RIIAD1: variants seen among roughly 807,000 people sequenced by gnomAD.
RIIAD1 encodes regulatory subunit of type II PKA R-subunit domain containing 1.
In RIIAD1, 15 loss-of-function variants were observed where a neutral mutation model predicts 13.3. The observed-to-expected ratio is 1.13, with a 90% CI of 0.76 to 1.74. The LOEUF is 1.74. Ranked by LOEUF, RIIAD1 falls within the 40% of genes most tolerant of loss-of-function variation. The pLI, the probability that RIIAD1 is intolerant of heterozygous loss-of-function variation, is 0.00. For missense variants in RIIAD1, 121 were observed against 112.2 expected, an observed-to-expected ratio of 1.08 and a Z score of -0.35; for synonymous variants, 50 against 43.3, an observed-to-expected ratio of 1.16 and a Z score of -0.61.
exon 3 of RIIAD1, chr1:151,713,522 A>T (rs867846683): frequency 2.0e-5 from 3 of 152,124 alleles, no homozygotes; most frequent in African/African-American, 7.2e-5. Context: ...GGAGATGAAA[A>T]CTGTTGATTT....
At chr1:151,721,139 A>T (rs1164493125), upstream of RIIAD1, among the ~76,000 whole-genome samples, 2 of 152,096 alleles carry the variant, frequency 1.3e-5, no homozygotes, top group African/African-American at 4.8e-5. Context: ...GGACAGAGGG[A>T]CGGGTTGGCT....
intron 4 of RIIAD1, among the ~76,000 whole-genome samples, chr1:151,729,106 A>C (rs981788204): frequency 6.6e-6 from 1 of 152,130 alleles, no homozygotes; most frequent in Non-Finnish European, 1.5e-5. Flanking sequence ...GAAGCTTCTT[A>C]ATGTAGTGGA....
chr1:151,727,949 G>A (rs1004940720), intron 3 of RIIAD1, among the ~76,000 whole-genome samples: 1 of 152,186 alleles, frequency 6.6e-6, no homozygotes, highest in African/African-American at 2.4e-5. Context: ...CACCTGGGGA[G>A]CTTTTAGAAC....
At chr1:151,721,407 CG>C, upstream of RIIAD1, 1 of 440,888 alleles carries the variant, frequency 2.3e-6, no homozygotes, top group East Asian at 3.6e-5. Flanking sequence ...GCCCCCGCCC[CG>C]GAGCTCACCC....
intron 4 of RIIAD1, chr1:151,715,725 CT>C: frequency 6.3e-7 from 1 of 1,576,014 alleles, no homozygotes; most frequent in East Asian, 2.3e-5. Context: ...TAGCTGAGTT[CT>C]TTTTCAGCTC....
chr1:151,721,692 G>A (rs1673739071), intron 1 of RIIAD1, 72 bp downstream of exon 1: 2 of 882,784 alleles, frequency 2.3e-6, no homozygotes, highest in Non-Finnish European at 1.5e-6. Flanking sequence ...CCCAGACTGG[G>A]AAGAGAGCCG....
In RIIAD1 at chr1:151,722,147, T is replaced by A. The variant is rs771883735; in HGVS notation, c.146T>A (p.Ile49Lys). The change falls in exon 2 of 5, where the codon ATA becomes AAA. Residue 49 changes from isoleucine to lysine, a missense_variant. By Grantham distance (102) the Ile-to-Lys change is moderately radical. Transcript: ENST00000479191. Reference protein sequence around the residue: ...LRTHKEVEWLISGFFREIFLK... With the variant: ...LRTHKEVEWLKSGFFREIFLK... Reference sequence around the variant, plus strand: ...ACCCACAAAGAAGTAGAGTGGCTCATAAGTGGTTTCTTCAGGTAGGTGGTT... The same window carrying A: ...ACCCACAAAGAAGTAGAGTGGCTCAAAAGTGGTTTCTTCAGGTAGGTGGTT... The A allele has an allele frequency of 1.3e-6, 2 of 1,550,702 alleles. No homozygotes were observed. The highest frequency in any genetic ancestry group is 2.4e-5 in the South Asian group (2 of 84,050).
intron 3 of RIIAD1, 105 bp from the exon 4 acceptor site, chr1:151,728,661 G>A (rs1647232924): frequency 7.0e-6 from 5 of 717,440 alleles, no homozygotes; most frequent in Admixed American, 2.0e-5. Flanking sequence ...GCAGTCCTGC[G>A]TACCAAGCCA....
intron 4 of RIIAD1, chr1:151,714,615 G>A (rs1673309257): frequency 8.3e-6 from 13 of 1,558,278 alleles, no homozygotes; most frequent in African/African-American, 1.4e-5. Flanking sequence ...TCTTCTGTTC[G>A]TGCAGGGCGC....
intron 1 of RIIAD1, chr1:151,721,858 G>C (rs1447617712): frequency 1.7e-6 from 1 of 586,232 alleles, no homozygotes; most frequent in African/African-American, 1.9e-5. Flanking sequence ...CAGAGAAATG[G>C]GCCGAAATTA....
rs2101520073 is a variant in RIIAD1, at chr1:151,729,493, T to C, written c.*63T>C. 1 of 152,452 alleles carries C rather than the reference T, an allele frequency of 6.6e-6. No individual in the cohort carries two copies. Among genetic ancestry groups the C allele is most frequent in the East Asian group, 1.9e-4 (1 of 5,186 alleles). 9.4% of individuals were successfully genotyped at this position (152,452 alleles called of 1,614,324 possible). A position where few individuals can be genotyped will look rare whatever the true frequency, so the allele number is the denominator to read the frequency against. ...GAACCATTTCTGTTTTGCAGGGTCA[T>C]CTGGAGGCATGAGAGCCCTACTGCC... On this transcript the variant is annotated 3_prime_UTR_variant, in exon 5 of 5. Transcript: ENST00000479191.
upstream of RIIAD1, chr1:151,721,403 G>A (rs1005498758): frequency 2.3e-6 from 1 of 428,622 alleles, no homozygotes; most frequent in Non-Finnish European, 3.9e-6. Context: ...CCAAGCCCCC[G>A]CCCCGGAGCT....
At position 151,722,122 on chromosome 1, in the gene RIIAD1, A is replaced by G; in HGVS notation, c.121A>G (p.Thr41Ala). ...TRIANEKYLR[T>A]HKEVEWLISG... The stretch of plus-strand genomic sequence containing the variant: ...GATTGCTAACGAAAAGTACCTAAGG[A>G]CCCACAAAGAAGTAGAGTGGCTCAT... Residue 41 changes from threonine to alanine, a missense_variant, in exon 2 of 5, where the codon ACC (threonine) becomes GCC (alanine). Coordinates refer to ENST00000479191, the MANE Select transcript of RIIAD1 (RefSeq NM_001144956.3). The G allele has an allele frequency of 6.4e-7, 1 of 1,551,352 alleles. No individual in the cohort carries two copies. The highest frequency in any genetic ancestry group is 8.7e-7 in the Non-Finnish European group (1 of 1,146,744).
At chr1:151,725,705 G>T (rs1409855288) in intron 2 of RIIAD1, among the ~76,000 whole-genome samples, 1 of 152,170 alleles carries the variant, frequency 6.6e-6, no homozygotes, top group Non-Finnish European at 1.5e-5. Context: ...TACACTATGT[G>T]CTCTTTTGTG....
chr1:151,725,198 C>T (rs1673806948), intron 2 of RIIAD1, among the ~76,000 whole-genome samples: 1 of 150,042 alleles, frequency 6.7e-6, no homozygotes, highest in East Asian at 2.0e-4. Context: ...GCAGCCTCCA[C>T]CTCCTGAGTT....
At chr1:151,729,357 C>T (rs1647267541) in intron 4 of RIIAD1, 131 bp from the exon 5 acceptor site, 2 of 152,366 alleles carry the variant, frequency 1.3e-5, no homozygotes, top group South Asian at 2.1e-4. Flanking sequence ...CAGGCTGTGC[C>T]ATTAAGGCCA....
rs79991258 is a variant in RIIAD1 at position 151,716,048 on chromosome 1, G to A, written c.21+1519G>A. 4,487 of 1,586,350 alleles carry A rather than the reference G, an allele frequency of 2.8e-3. 117 individuals carry two copies. The African/African-American group carries it at 0.055, about 19-fold the overall frequency. On this transcript the variant is annotated intron_variant, in intron 4 of 8. Coordinates refer to the RIIAD1 transcript ENST00000326413. Reference sequence around the variant, plus strand: ...AGGCGGCCCAGGAGGAGGGGCCGAGGGGAGCAGGGAGAGGCCCAAAGGCCA... The same window carrying A: ...AGGCGGCCCAGGAGGAGGGGCCGAGAGGAGCAGGGAGAGGCCCAAAGGCCA...
upstream of RIIAD1, chr1:151,716,925 C>A: frequency 8.0e-6 from 3 of 372,686 alleles, no homozygotes; most frequent in South Asian, 6.0e-5. Context: ...AGGCACGAGC[C>A]ACGCCCTCTT....
upstream of RIIAD1, among the ~76,000 whole-genome samples, chr1:151,717,086 T>C (rs931373064): frequency 3.9e-5 from 6 of 151,994 alleles, no homozygotes; most frequent in Non-Finnish European, 5.9e-5. Flanking sequence ...GTGGGGTCCA[T>C]TGTTCCGGGG....
Sources: gnomAD v4.1 joint callset for allele counts (sites outside exome capture counted in the v4.1 genomes callset) on GRCh38, gnomAD v4.1.1 for gene constraint, MANE v1.5 for transcripts, NCBI Gene and HGNC (gene_info 2026-07-23, HGNC 2026-07-21) for gene names.